Variants in EML4 observed in about 807,000 individuals in gnomAD.
EML4 encodes the protein echinoderm microtubule-associated protein-like 4.
In EML4, 72 loss-of-function variants were observed where a neutral mutation model predicts 129.0. The observed-to-expected ratio is 0.56, with a 90% confidence interval of 0.46 to 0.68. EML4 has a LOEUF of 0.68. Among genes scored for constraint, EML4 ranks in the 30% least tolerant of loss-of-function variants. The pLI is 0.00. For synonymous variants in EML4, 532 were observed against 405.0 expected (o/e 1.31, Z -3.77); for missense variants, 1,363 against 1,190.6 (o/e 1.14, Z -2.13).
rs1329976706 is a variant in EML4 at position 42,317,314 on chromosome 2, T to C, written c.2057-113T>C. ...TTAGTGGATAGGATTCATTCATTAA[T>C]TGCCAAATAGTTAAATTGATGAGAT... On this transcript the variant is annotated intron_variant, in intron 18 of 22. Transcript: ENST00000318522. 3 of 688,000 alleles carry C rather than the reference T, an allele frequency of 4.4e-6. No homozygotes were observed. The East Asian group carries it at 8.2e-5, about 19-fold the overall frequency. The allele number at this position is 688,000 out of a possible 1,614,324, so 42.6% of individuals were successfully genotyped here.
chr2:42,282,455 C>A (rs1667066218), intron 7 of EML4, among the ~76,000 whole-genome samples: 1 of 152,072 alleles, frequency 6.6e-6, no homozygotes, highest in Non-Finnish European at 1.5e-5. Flanking sequence ...GTGGCACGAT[C>A]ACTGCTCACT....
At chr2:42,222,782 CTTTT>C (rs1021305558) in intron 1 of EML4, among the ~76,000 whole-genome samples, 10 of 139,792 alleles carry the variant, frequency 7.2e-5, no homozygotes, top group African/African-American at 2.5e-4. Context: ...TATAACGGTT[CTTTT>C]GTTTGTTTTG....
intron 2 of EML4, among the ~76,000 whole-genome samples, chr2:42,254,162 C>G (rs527909620): frequency 6.6e-6 from 1 of 152,184 alleles, no homozygotes; most frequent in South Asian, 2.1e-4. Flanking sequence ...GTAAAAATGC[C>G]TGTAATTGGT....
intron 1 of EML4, among the ~76,000 whole-genome samples, chr2:42,204,499 C>G (rs1014545207): frequency 1.3e-5 from 2 of 152,040 alleles, no homozygotes; most frequent in Non-Finnish European, 2.9e-5. Flanking sequence ...TTGACAGTAC[C>G]CAAAAGAATG....
intron 4 of EML4, among the ~76,000 whole-genome samples, chr2:42,261,782 T>G (rs1387196955): frequency 6.6e-6 from 1 of 152,178 alleles, no homozygotes; most frequent in Non-Finnish European, 1.5e-5. Context: ...GAGGATAAGT[T>G]CTTGCTTGAG....
chr2:42,229,083 A>G (rs1426219839), intron 1 of EML4, among the ~76,000 whole-genome samples: 1 of 152,142 alleles, frequency 6.6e-6, no homozygotes, highest in Non-Finnish European at 1.5e-5. Context: ...TACCCTAGGT[A>G]CCTGACTGCA....
Position 42,325,602 on chromosome 2 carries a change from T to TTATATATATATATA in EML4, c.2242+72_2242+85dup, listed in dbSNP as rs10530482. The TTATATATATATATA allele has an allele frequency of 3.3e-3, 430 of 129,048 alleles. 14 individuals are homozygous for TTATATATATATATA. Among genetic ancestry groups the TTATATATATATATA allele is most frequent in the Admixed American group, 4.6e-3 (32 of 6,906 alleles). The allele number at this position is 129,048 out of a possible 1,614,324, so 8.0% of individuals were successfully genotyped here. A position where few individuals can be genotyped will look rare whatever the true frequency, so the allele number is the denominator to read the frequency against. The stretch of plus-strand genomic sequence containing the variant: ...ATATATATATATGCTATGATTATAT[T>TTATATATATATATA]TATATATATATATATATATATATAT... On this transcript the variant is annotated intron_variant, in intron 20 of 22. Coordinates refer to ENST00000318522, the MANE Select transcript of EML4 (RefSeq NM_019063.5).
intron 2 of EML4, among the ~76,000 whole-genome samples, chr2:42,247,602 G>A (rs569441768): frequency 3.5e-4 from 53 of 152,224 alleles, no homozygotes; most frequent in African/African-American, 1.3e-3. Context: ...TGAGGGTTTG[G>A]CAAAAGACTT....
chr2:42,300,821 CTA>C (rs1337289624), intron 13 of EML4, among the ~76,000 whole-genome samples: 2 of 152,170 alleles, frequency 1.3e-5, no homozygotes, highest in Non-Finnish European at 2.9e-5. Flanking sequence ...TATTAGCTAA[CTA>C]TGTGGTATCC....
chr2:42,170,977 G>A (rs1670240570), intron 1 of EML4, among the ~76,000 whole-genome samples: 1 of 152,026 alleles, frequency 6.6e-6, no homozygotes, highest in Non-Finnish European at 1.5e-5. Flanking sequence ...CCTTTTTCTT[G>A]GGCAGAAAAA....
intron 1 of EML4, among the ~76,000 whole-genome samples, chr2:42,194,975 T>G (rs1006288859): frequency 2.6e-5 from 4 of 152,234 alleles, no homozygotes; most frequent in African/African-American, 7.2e-5. Flanking sequence ...CAACATTGTT[T>G]GGCAAAGACT....
chr2:42,265,427 A>T (rs1429209049), intron 6 of EML4, among the ~76,000 whole-genome samples: 1 of 152,028 alleles, frequency 6.6e-6, no homozygotes, highest in Admixed American at 6.6e-5. Context: ...TTTAGTAAAG[A>T]TGGAGTTTCA....
At chr2:42,265,401 G>C (rs1487583068) in intron 6 of EML4, among the ~76,000 whole-genome samples, 1 of 151,846 alleles carries the variant, frequency 6.6e-6, no homozygotes, top group African/African-American at 2.4e-5. Context: ...CATGGCACCC[G>C]GCCAATTTTT....
chr2:42,238,354 A>G (rs1359837022), intron 1 of EML4, among the ~76,000 whole-genome samples: 1 of 152,216 alleles, frequency 6.6e-6, no homozygotes, highest in Non-Finnish European at 1.5e-5. Flanking sequence ...ACCATAATAT[A>G]GGAAATTAGA....
chr2:42,199,017 G>A (rs2103948432), intron 1 of EML4, among the ~76,000 whole-genome samples: 1 of 152,276 alleles, frequency 6.6e-6, no homozygotes, highest in East Asian at 1.9e-4. Context: ...ATGTATCTTG[G>A]GGGTTTAGGC....
chr2:42,254,943 T>G (rs1676028834), intron 2 of EML4, among the ~76,000 whole-genome samples: 1 of 152,188 alleles, frequency 6.6e-6, no homozygotes, highest in African/African-American at 2.4e-5. Flanking sequence ...ATTTTTCTGT[T>G]ATAAAGAATG....
At chr2:42,280,086 A>G (rs1211324410) in intron 6 of EML4, among the ~76,000 whole-genome samples, 1 of 152,076 alleles carries the variant, frequency 6.6e-6, no homozygotes, top group East Asian at 1.9e-4. Context: ...GTTTCCTGGC[A>G]TAAGAAAAAG....
At chr2:42,304,095 C>G (rs1668459531) in intron 16 of EML4, among the ~76,000 whole-genome samples, 1 of 152,146 alleles carries the variant, frequency 6.6e-6, no homozygotes. Flanking sequence ...TGCTCACTAA[C>G]AGGCTCTACT....
chr2:42,242,654 C>G (rs1421169051), intron 1 of EML4, among the ~76,000 whole-genome samples: 1 of 151,692 alleles, frequency 6.6e-6, no homozygotes, highest in Non-Finnish European at 1.5e-5. Context: ...TTCCTTCCTC[C>G]CTCCCTCTCT....
Sources: gnomAD v4.1 joint callset for allele counts (sites outside exome capture counted in the v4.1 genomes callset) on GRCh38, gnomAD v4.1.1 for gene constraint, MANE v1.5 for transcripts, NCBI Gene and HGNC (gene_info 2026-07-23, HGNC 2026-07-21) for gene names.